FDFT1: variants seen among roughly 807,000 people sequenced by gnomAD.
The protein encoded by FDFT1 is squalene synthase.
FDFT1 carries 68 observed loss-of-function variants against 46.8 expected under a neutral mutation model. That is an observed-to-expected ratio of 1.45 (90% confidence interval 1.19 to 1.78). FDFT1 has a LOEUF of 1.78. Ranked by LOEUF, FDFT1 falls within the 40% of genes most tolerant of loss-of-function variation. FDFT1 has a pLI of 0.00. For missense variants in FDFT1, 928 were observed against 524.4 expected, an observed-to-expected ratio of 1.77 and a Z score of -7.52; for synonymous variants, 351 against 185.1, an observed-to-expected ratio of 1.90 and a Z score of -7.28.
At chr8:11,818,791 C>T (rs1039375409) in intron 3 of FDFT1, among the ~76,000 whole-genome samples, 5 of 152,060 alleles carry the variant, frequency 3.3e-5, no homozygotes, top group Admixed American at 2.0e-4. Context: ...CAGTGACGGG[C>T]CTTGACTGTT....
Position 11,834,696 on chromosome 8 carries a change from C to A in FDFT1, c.1032+3026C>A, listed in dbSNP as rs1212534786. Among the ~76,000 whole-genome samples, 13 of 152,324 alleles carry A rather than the reference C, an allele frequency of 8.5e-5. No individual in the cohort carries two copies. In the East Asian group the frequency reaches 2.3e-3, roughly 27 times the overall value. On this transcript the variant is annotated intron_variant, in intron 7 of 7. Coordinates refer to ENST00000220584, the MANE Select transcript of FDFT1 (RefSeq NM_004462.5). Reference sequence around the variant, plus strand: ...GTTTTAAATGATGATCAAGCTGATTCCATATTCGCAGTTGTAAGTAGAACT... The same window carrying A: ...GTTTTAAATGATGATCAAGCTGATTACATATTCGCAGTTGTAAGTAGAACT...
intron 7 of FDFT1, among the ~76,000 whole-genome samples, chr8:11,837,918 C>T (rs1009295591): frequency 2.6e-5 from 4 of 152,140 alleles, no homozygotes; most frequent in African/African-American, 4.8e-5. Context: ...GTGGTTCATA[C>T]GGCTCCCTGC....
chr8:11,822,777 C>G (rs1276349855), intron 4 of FDFT1, among the ~76,000 whole-genome samples: 1 of 152,200 alleles, frequency 6.6e-6, no homozygotes, highest in Non-Finnish European at 1.5e-5. Context: ...GATTGTGCCA[C>G]TGCACTCCAA....
At chr8:11,824,450 A>C (rs896597165) in intron 4 of FDFT1, among the ~76,000 whole-genome samples, 1 of 152,208 alleles carries the variant, frequency 6.6e-6, no homozygotes, top group Non-Finnish European at 1.5e-5. Flanking sequence ...AAAGCCTGAC[A>C]CTTAAGTCAT....
intron 3 of FDFT1, among the ~76,000 whole-genome samples, chr8:11,818,225 A>G (rs1345625609): frequency 6.6e-6 from 1 of 152,158 alleles, no homozygotes; most frequent in Non-Finnish European, 1.5e-5. Context: ...GGTCTGAGAG[A>G]AAGTTTGTTG....
In FDFT1 at chr8:11,821,730, T is replaced by G. The variant is rs199612459; in HGVS notation, c.382-20T>G. ...TGTACATATTTCATGATTTCTGTGT[T>G]TTTACGGTTTCCATTTCAGATCTCC... On this transcript the variant is annotated intron_variant, in intron 3 of 7. Transcript: ENST00000220584. 240 of 1,611,828 alleles carry G rather than the reference T, an allele frequency of 1.5e-4. No individual in the cohort carries two copies. Among genetic ancestry groups the G allele is most frequent in the Non-Finnish European group, 9.6e-5 (113 of 1,178,488 alleles).
In FDFT1 at chr8:11,824,794, G is replaced by T. The variant is rs536078056; in HGVS notation, c.511-1230G>T. Among the ~76,000 whole-genome samples, 12 of 152,218 alleles carry T rather than the reference G, an allele frequency of 7.9e-5. No homozygotes were observed. In the East Asian group the frequency reaches 2.3e-3, roughly 29 times the overall value. ...TCTGTCGCCCAGGCTGGAGTGCAGTGGCGCGATCTCGGCTCCCTGCAAGCT... is the reference window on the plus strand; with the variant it reads ...TCTGTCGCCCAGGCTGGAGTGCAGTTGCGCGATCTCGGCTCCCTGCAAGCT... On this transcript the variant is annotated intron_variant, in intron 4 of 7. Transcript: ENST00000220584.
At chr8:11,819,386 T>C (rs1252335495) in intron 3 of FDFT1, among the ~76,000 whole-genome samples, 3 of 152,226 alleles carry the variant, frequency 2.0e-5, no homozygotes, top group Admixed American at 1.3e-4. Context: ...TGAATTTGAA[T>C]GTTGACCTGC....
intron 7 of FDFT1, among the ~76,000 whole-genome samples, chr8:11,836,439 C>T (rs955223964): frequency 2.0e-5 from 3 of 152,242 alleles, no homozygotes; most frequent in Non-Finnish European, 2.9e-5. Context: ...CTGCCTGGCA[C>T]GTGGGTCCCC....
chr8:11,796,313 C>T (rs945584066), intron 1 of FDFT1, among the ~76,000 whole-genome samples: 1 of 152,186 alleles, frequency 6.6e-6, no homozygotes, highest in African/African-American at 2.4e-5. Flanking sequence ...GCTGTAAACA[C>T]TCCGCCAGAT....
chr8:11,834,405 A>C (rs1378429586), intron 7 of FDFT1, among the ~76,000 whole-genome samples: 1 of 152,230 alleles, frequency 6.6e-6, no homozygotes, highest in Non-Finnish European at 1.5e-5. Context: ...CCTCTCTGCC[A>C]AAGTGAATTC....
chr8:11,802,267 A>G (rs1806201854), upstream of FDFT1: 1 of 383,004 alleles, frequency 2.6e-6, no homozygotes, highest in African/African-American at 2.1e-5. Context: ...GGCTCTACAG[A>G]GAGCGGCTGC....
Position 11,821,850 on chromosome 8 carries a change from A to C in FDFT1, c.482A>C (p.His161Pro). The change falls in exon 4 of 8, where the codon CAT (histidine) becomes CCT (proline). Residue 161 changes from histidine to proline, a missense_variant. Transcript: ENST00000220584. ...GGGATGGCAGAGTTTTTGGATAAGCATGTGACCTCTGAACAGGAGTGGGAC... is the reference window on the plus strand; with the variant it reads ...GGGATGGCAGAGTTTTTGGATAAGCCTGTGACCTCTGAACAGGAGTGGGAC... ...GIGMAEFLDK[H>P]VTSEQEWDKY... is the part of the protein sequence containing the mutation. 6.2e-7 allele frequency: 1 copy of C among 1,613,494 alleles called. No homozygotes were observed. Among genetic ancestry groups the C allele is most frequent in the South Asian group, 1.1e-5 (1 of 91,078 alleles).
At chr8:11,797,669 CAAAA>C (rs1176762258), upstream of FDFT1, among the ~76,000 whole-genome samples, 3 of 108,230 alleles carry the variant, frequency 2.8e-5, no homozygotes, top group Non-Finnish European at 6.0e-5. Context: ...AAGAAACAAA[CAAAA>C]AAAACGGTGG....
rs1484386218 is a variant in FDFT1, at chr8:11,808,558, T to A, written c.100-236T>A. ...TGCGGCACCAAGGCCATGGCCCTCT[T>A]CAAGCGCACCTTGGTGCTGAGTCCC... On this transcript the variant is annotated intron_variant, in intron 1 of 7. Coordinates refer to ENST00000220584, the MANE Select transcript of FDFT1 (RefSeq NM_004462.5). 2.9e-6 allele frequency: 4 copies of A among 1,367,084 alleles called. No homozygotes were observed. The South Asian group carries it at 5.2e-5, about 18-fold the overall frequency. The allele number at this position is 1,367,084 out of a possible 1,614,324, so 84.7% of individuals were successfully genotyped here.
At chr8:11,826,855 A>G (rs2130847066) in intron 5 of FDFT1, among the ~76,000 whole-genome samples, 1 of 152,240 alleles carries the variant, frequency 6.6e-6, no homozygotes, top group South Asian at 2.1e-4. Context: ...TCAGCCCTGA[A>G]TCAGTTACTG....
At chr8:11,809,173 T>C in intron 2 of FDFT1, 2 of 1,268,530 alleles carry the variant, frequency 1.6e-6, no homozygotes, top group Non-Finnish European at 2.0e-6. Flanking sequence ...TGTGAGCAGG[T>C]CGTGTATTTC....
intron 3 of FDFT1, among the ~76,000 whole-genome samples, chr8:11,810,933 T>TAAAAAAAAAAAAAAAAAAAAA (rs71539744): frequency 3.4e-5 from 3 of 89,450 alleles, no homozygotes; most frequent in Non-Finnish European, 4.3e-5. Context: ...GAGCAATATT[T>TAAAAAAAAAAAAAAAAAAAAA]AAAAAAAAAA....
intron 6 of FDFT1, 76 bp downstream of exon 6, chr8:11,830,496 C>A: frequency 9.4e-7 from 1 of 1,061,050 alleles, no homozygotes; most frequent in Non-Finnish European, 1.4e-6. Context: ...TTTTGCTGTG[C>A]TATATTCAAG....
Sources: allele counts gnomAD v4.1 joint callset (sites outside exome capture counted in the v4.1 genomes callset), GRCh38; gene constraint gnomAD v4.1.1; transcripts MANE v1.5; gene names NCBI Gene and HGNC (gene_info 2026-07-23, HGNC 2026-07-21).